PCDH11X: variants seen among roughly 807,000 people sequenced by gnomAD.
The protein encoded by PCDH11X is protocadherin 11 X-linked.
Under a neutral mutation model 53.3 loss-of-function variants are expected in PCDH11X, and 18 were observed. That is an observed-to-expected ratio of 0.34 (90% CI 0.23 to 0.50). PCDH11X has a LOEUF of 0.50. Among genes scored for constraint, PCDH11X ranks in the 20% least tolerant of loss-of-function variants. PCDH11X has a pLI of 0.98. For missense variants in PCDH11X, 570 were observed against 1,032.4 expected, an observed-to-expected ratio of 0.55 and a Z score of 6.14; for synonymous variants, 279 against 393.3, an observed-to-expected ratio of 0.71 and a Z score of 3.44.
At chrX:92,309,399 C>G (rs751742171) in intron 8 of PCDH11X, among the ~76,000 whole-genome samples, 1 of 111,380 alleles carries the variant, frequency 9.0e-6, no homozygotes, top group Non-Finnish European at 1.9e-5. Flanking sequence ...CACAAAAGGA[C>G]GAATACTGGA....
intron 6 of PCDH11X, among the ~76,000 whole-genome samples, chrX:92,102,561 G>T (rs34985829): frequency 8.9e-6 from 1 of 111,918 alleles, no homozygotes; most frequent in Non-Finnish European, 1.9e-5. Context: ...GGTAACAGAT[G>T]AGGATGAAAT....
At chrX:91,855,027 C>T (rs1380340557) in intron 5 of PCDH11X, among the ~76,000 whole-genome samples, 1 of 111,525 alleles carries the variant, frequency 9.0e-6, no homozygotes, top group Admixed American at 9.6e-5. Context: ...CCCATTTTTG[C>T]TTTGGTTGCC....
At chrX:92,487,600 T>C (rs907622293) in intron 10 of PCDH11X, among the ~76,000 whole-genome samples, 4 of 110,947 alleles carry the variant, frequency 3.6e-5, no homozygotes, top group Admixed American at 2.9e-4. Context: ...ATTCTGAGCC[T>C]TTACTCTGTG....
intron 10 of PCDH11X, among the ~76,000 whole-genome samples, chrX:92,479,000 C>G (rs2073447200): frequency 9.1e-6 from 1 of 109,542 alleles, no homozygotes; most frequent in South Asian, 4.0e-4. Context: ...GTCTAAGTCA[C>G]TTTGATGATC....
chrX:92,424,663 A>G (rs2072064646), intron 9 of PCDH11X, among the ~76,000 whole-genome samples: 1 of 97,489 alleles, frequency 1.0e-5, no homozygotes, highest in African/African-American at 3.3e-5. Context: ...GAGCTTTGCA[A>G]AGGGAGCTTA....
At chrX:92,254,570 G>A (rs184996491) in intron 7 of PCDH11X, among the ~76,000 whole-genome samples, 25 of 109,042 alleles carry the variant, frequency 2.3e-4, no homozygotes, top group East Asian at 5.9e-4. Flanking sequence ...ATTTTGCAGC[G>A]GCTGGTACCG....
intron 6 of PCDH11X, among the ~76,000 whole-genome samples, chrX:92,170,603 C>A (rs2065807595): frequency 9.2e-6 from 1 of 108,766 alleles, no homozygotes; most frequent in African/African-American, 3.3e-5. Context: ...TTTTTAAAAT[C>A]TTTTTAATTT....
chrX:92,491,573 T>G (rs2148685028), intron 10 of PCDH11X, among the ~76,000 whole-genome samples: 1 of 111,136 alleles, frequency 9.0e-6, no homozygotes, highest in African/African-American at 3.3e-5. Flanking sequence ...CTACCATTTT[T>G]TAAATAGTAA....
chrX:92,573,906 A>T (rs1049981240), intron 10 of PCDH11X, among the ~76,000 whole-genome samples: 39 of 110,909 alleles, frequency 3.5e-4, no homozygotes, highest in African/African-American at 1.2e-3. Context: ...ATGCATGTTC[A>T]TGCAAAATAA....
rs1405178889 is a variant in PCDH11X at position 92,620,813 on chromosome X, G to A, written c.*1873G>A. ...AATTAATTAATGTTTTTTCTCCTTCGTGTTGTTAATGTTCCAAGGGATTTG... is the reference window on the plus strand; with the variant it reads ...AATTAATTAATGTTTTTTCTCCTTCATGTTGTTAATGTTCCAAGGGATTTG... On this transcript the variant is annotated 3_prime_UTR_variant, in exon 11 of 11. Transcript: ENST00000682573. 2 of 107,894 alleles carry A rather than the reference G, an allele frequency of 1.9e-5. No homozygotes were observed. The highest frequency in any genetic ancestry group is 4.8e-3 in the Middle Eastern group (1 of 208). 8.9% of individuals were successfully genotyped at this position (107,894 alleles called of 1,213,427 possible). A position where few individuals can be genotyped will look rare whatever the true frequency, so the allele number is the denominator to read the frequency against.
At chrX:92,136,106 AG>A (rs1157637737) in intron 6 of PCDH11X, among the ~76,000 whole-genome samples, 1 of 111,218 alleles carries the variant, frequency 9.0e-6, no homozygotes, top group African/African-American at 3.3e-5. Context: ...AATACTAATT[AG>A]TCCCATATTA....
chrX:92,281,626 GC>G lies in PCDH11X; in HGVS notation c.3144+18484del, dbSNP rs766156228. On this transcript the variant is annotated intron_variant, in intron 8 of 10. Transcript: ENST00000682573. ...AGAGTCCTTAACTATGAGGTATGGA[GC>G]TGTAATCTCCAGAAATTGGGTTTTA... Among the ~76,000 whole-genome samples the G allele has an allele frequency of 1.1e-3, 120 of 111,865 alleles. 1 individual carries two copies. Among genetic ancestry groups the G allele is most frequent in the African/African-American group, 3.7e-3 (115 of 30,913 alleles).
At chrX:92,287,225 G>C (rs1219848299) in intron 8 of PCDH11X, among the ~76,000 whole-genome samples, 1 of 110,777 alleles carries the variant, frequency 9.0e-6, no homozygotes, top group African/African-American at 3.3e-5. Flanking sequence ...GAATGTGCAG[G>C]TTTGTTACAT....
intron 7 of PCDH11X, among the ~76,000 whole-genome samples, chrX:92,213,015 T>G (rs922549217): frequency 8.9e-6 from 1 of 112,247 alleles, no homozygotes; most frequent in Non-Finnish European, 1.9e-5. Flanking sequence ...CAAAGCTTAA[T>G]CTGGGAACTT....
chrX:92,008,585 C>G (rs2147975396), intron 6 of PCDH11X, among the ~76,000 whole-genome samples: 1 of 108,532 alleles, frequency 9.2e-6, no homozygotes, highest in East Asian at 2.9e-4. Context: ...GAAGTTAAAA[C>G]TAGGTACTAT....
chrX:92,400,049 C>A (rs6652641), intron 9 of PCDH11X, among the ~76,000 whole-genome samples: 15,322 of 105,977 alleles, frequency 0.14, 1,876 homozygotes, highest in East Asian at 0.72. Context: ...CCGTGCCCGG[C>A]CTTTTTCTGA....
intron 6 of PCDH11X, among the ~76,000 whole-genome samples, chrX:92,079,860 C>T (rs1179172212): frequency 9.0e-6 from 1 of 111,467 alleles, no homozygotes; most frequent in Non-Finnish European, 1.9e-5. Flanking sequence ...CAGCGATTTC[C>T]CAAAGGATGT....
intron 4 of PCDH11X, among the ~76,000 whole-genome samples, chrX:91,818,698 CAAAA>C (rs71845262): frequency 8.8e-4 from 85 of 96,155 alleles, no homozygotes; most frequent in African/African-American, 3.0e-3. Flanking sequence ...GACTCTATCT[CAAAA>C]AAAAAAAAAA....
intron 10 of PCDH11X, among the ~76,000 whole-genome samples, chrX:92,511,924 A>G (rs5984979): frequency 0.19 from 19,876 of 106,293 alleles, 1,640 homozygotes; most frequent in East Asian, 0.42. Context: ...ACTTAGCAGA[A>G]ATTCAATATG....
Sources: gnomAD v4.1 joint callset for allele counts (sites outside exome capture counted in the v4.1 genomes callset) on GRCh38, gnomAD v4.1.1 for gene constraint, MANE v1.5 for transcripts, NCBI Gene and HGNC (gene_info 2026-07-23, HGNC 2026-07-21) for gene names.